Variants in CXADR observed in about 807,000 individuals in gnomAD.
The protein encoded by CXADR is CXADR cell adhesion molecule, also known as coxsackievirus and adenovirus receptor.
CXADR carries 20 observed loss-of-function variants against 40.3 expected under a neutral mutation model. The ratio of observed to expected loss-of-function variants is 0.50; its 90% CI spans 0.35 to 0.72. CXADR has a LOEUF of 0.72. Ranked by LOEUF, CXADR falls within the 30% of genes least tolerant of loss-of-function variation. CXADR has a pLI of 0.01. For synonymous variants in CXADR, 150 were observed against 161.3 expected (o/e 0.93, Z 0.53); for missense variants, 332 against 449.1 (o/e 0.74, Z 2.36).
chr21:17,529,061 C>A (rs1169801778), intron 1 of CXADR, among the ~76,000 whole-genome samples: 5 of 124,370 alleles, frequency 4.0e-5, no homozygotes, highest in South Asian at 5.3e-4. Flanking sequence ...TTTTTTGAGA[C>A]AGAGTCTCAC....
chr21:17,599,874 T>TA, the CXADR span, among the ~76,000 whole-genome samples: 3 of 152,082 alleles, frequency 2.0e-5, no homozygotes, highest in Non-Finnish European at 4.4e-5. Context: ...CCCAATTAAA[T>TA]AAAAAAGGGG....
chr21:17,592,055 A>G (rs1168524665), intron 7 of CXADR, among the ~76,000 whole-genome samples: 1 of 151,998 alleles, frequency 6.6e-6, no homozygotes. Flanking sequence ...ATCTACCTGT[A>G]TGCAGTTGAA....
downstream of CXADR, among the ~76,000 whole-genome samples, chr21:17,594,998 A>C (rs138809655): frequency 6.4e-3 from 966 of 151,384 alleles, 60 homozygotes; most frequent in East Asian, 0.13. Context: ...ACCTAAAATA[A>C]AAGTTAAAAA....
intron 1 of CXADR, among the ~76,000 whole-genome samples, chr21:17,517,500 A>G (rs1250718043): frequency 1.3e-5 from 2 of 152,172 alleles, no homozygotes; most frequent in East Asian, 1.9e-4. Flanking sequence ...AGTCTGGCCT[A>G]TTTTCTTCTG....
At chr21:17,630,525 T>A in the CXADR span, among the ~76,000 whole-genome samples, 12 of 152,282 alleles carry the variant, frequency 7.9e-5, no homozygotes, top group South Asian at 2.1e-4. Context: ...TATTAAAATA[T>A]CCCTGACTGT....
rs1205938840 is a variant in CXADR, at chr21:17,560,719, A to G, written c.589A>G (p.Ile197Val). Residue 197 changes from isoleucine (I) to valine (V), a missense_variant, in exon 5 of 7, where the codon ATA (isoleucine) becomes GTA (valine). Around this residue, in one of 3 missense-constraint regions of CXADR, gnomAD observed 20 missense variants for 56.4 expected, o/e 0.35. Coordinates refer to ENST00000284878, the MANE Select transcript of CXADR (RefSeq NM_001338.5). The stretch of plus-strand genomic sequence containing the variant: ...TTCCATAGAAATGACTTCATCTGTT[A>G]TATCTGTAAAAAATGCCTCTTCTGA... ...SWLAEMTSSV[I>V]SVKNASSEYS... 2 of 1,612,992 alleles carry G rather than the reference A, an allele frequency of 1.2e-6. No individual in the cohort carries two copies. Among genetic ancestry groups the G allele is most frequent in the East Asian group, 2.2e-5 (1 of 44,866 alleles).
chr21:17,549,301 G>A (rs576800577), intron 2 of CXADR, among the ~76,000 whole-genome samples: 1 of 152,176 alleles, frequency 6.6e-6, no homozygotes, highest in African/African-American at 2.4e-5. Flanking sequence ...GTTATCATTT[G>A]CACTGTCCTC....
chr21:17,558,246 A>G (rs2061061454), intron 3 of CXADR, among the ~76,000 whole-genome samples: 1 of 151,588 alleles, frequency 6.6e-6, no homozygotes, highest in African/African-American at 2.4e-5. Context: ...CTCCTACCCC[A>G]GCCTCCCAAG....
At chr21:17,515,755 C>T (rs2060453423) in intron 1 of CXADR, among the ~76,000 whole-genome samples, 1 of 150,602 alleles carries the variant, frequency 6.6e-6, no homozygotes, top group South Asian at 2.1e-4. Flanking sequence ...GCAGTGAGCC[C>T]ACATCGCGCC....
chr21:17,567,247 A>G lies in CXADR; in HGVS notation c.*1555A>G, dbSNP rs954070601. 3.0e-6 allele frequency: 3 copies of G among 985,320 alleles called. No homozygotes were observed. Among genetic ancestry groups the G allele is most frequent in the African/African-American group, 1.7e-5 (1 of 57,242 alleles). The allele number at this position is 985,320 out of a possible 1,614,324, so 61.0% of individuals were successfully genotyped here. On this transcript the variant is annotated 3_prime_UTR_variant, in exon 7 of 7. Transcript: ENST00000284878. ...TAAATGCTATATTATGAACGGTGGC[A>G]TGTATTTACAGTTAGAGTATTGTGT...
At chr21:17,630,650 CTTTTTTTTTT>C in the CXADR span, among the ~76,000 whole-genome samples, 21 of 116,960 alleles carry the variant, frequency 1.8e-4, no homozygotes, top group South Asian at 5.5e-3. Context: ...CTTCCTTCTT[CTTTTTTTTTT>C]TTTTTTTTGG....
intron 1 of CXADR, among the ~76,000 whole-genome samples, chr21:17,544,275 C>G (rs139759753): frequency 2.6e-5 from 4 of 152,202 alleles, no homozygotes; most frequent in African/African-American, 7.2e-5. Flanking sequence ...TTAGGAGAAA[C>G]ACTTGAGATT....
At chr21:17,529,862 G>C (rs1397478740) in intron 1 of CXADR, among the ~76,000 whole-genome samples, 1 of 152,080 alleles carries the variant, frequency 6.6e-6, no homozygotes, top group African/African-American at 2.4e-5. Context: ...CTAGCAACCT[G>C]ATCCGGAAAT....
the CXADR span, chr21:17,604,116 A>G: frequency 7.8e-7 from 1 of 1,280,720 alleles, no homozygotes; most frequent in East Asian, 6.3e-5. Context: ...TATAAAAATA[A>G]AACCACGAAG....
chr21:17,578,882 A>T (rs911295803), intron 7 of CXADR, among the ~76,000 whole-genome samples: 11 of 152,152 alleles, frequency 7.2e-5, no homozygotes, highest in African/African-American at 2.4e-4. Flanking sequence ...TCTCAAATGA[A>T]ATCCTATGTA....
chr21:17,611,827 G>A, the CXADR span: 1 of 152,250 alleles, frequency 6.6e-6, no homozygotes, highest in Non-Finnish European at 1.5e-5. Context: ...CCTCGCAGGA[G>A]TTTATAACTT....
chr21:17,628,246 A>G, the CXADR span, among the ~76,000 whole-genome samples: 1,742 of 152,312 alleles, frequency 0.011, 31 homozygotes, highest in African/African-American at 0.039. Context: ...TAAGATGTGT[A>G]TAAATATATA....
intron 7 of CXADR, among the ~76,000 whole-genome samples, chr21:17,584,971 A>T (rs1226220749): frequency 6.6e-6 from 1 of 152,208 alleles, no homozygotes; most frequent in Admixed American, 6.5e-5. Context: ...GAAGTGGTTG[A>T]TGGATGATTT....
chr21:17,606,700 T>TACTG, the CXADR span, among the ~76,000 whole-genome samples: 956 of 152,272 alleles, frequency 6.3e-3, 57 homozygotes, highest in East Asian at 0.13. Flanking sequence ...TCACTCTACA[T>TACTG]ACTACTTATC....
Sources: allele counts gnomAD v4.1 joint callset (sites outside exome capture counted in the v4.1 genomes callset), GRCh38; gene constraint gnomAD v4.1.1; regional missense constraint gnomAD v4.1.1; transcripts MANE v1.5; gene names NCBI Gene and HGNC (gene_info 2026-07-23, HGNC 2026-07-21).